The following ZBTB45 variants were observed in gnomAD, a reference collection of about 807,000 sequenced individuals.
ZBTB45 encodes zinc finger and BTB domain-containing protein 45.
ZBTB45 carries 22 observed loss-of-function variants against 28.4 expected under a neutral mutation model. The observed-to-expected ratio is 0.77, with a 90% CI of 0.55 to 1.10. The LOEUF (loss-of-function observed/expected upper bound fraction) is 1.10, where lower values mean the gene tolerates loss of function less well. Among genes scored for constraint, ZBTB45 ranks in the 50% least tolerant of loss-of-function variants. ZBTB45 has a pLI of 0.00. For synonymous variants in ZBTB45, 361 were observed against 332.3 expected, an observed-to-expected ratio of 1.09 and a Z score of -0.94; for missense variants, 656 against 750.2, an observed-to-expected ratio of 0.87 and a Z score of 1.47.
At chr19:58,518,365 G>A (rs1413882061) in intron 1 of ZBTB45, among the ~76,000 whole-genome samples, 2 of 152,176 alleles carry the variant, frequency 1.3e-5, no homozygotes, top group African/African-American at 4.8e-5. Flanking sequence ...AAGGGCTGAG[G>A]GTAAAAGGTT....
At chr19:58,522,089 G>A (rs1361268127), upstream of ZBTB45, among the ~76,000 whole-genome samples, 4 of 151,816 alleles carry the variant, frequency 2.6e-5, no homozygotes, top group South Asian at 2.1e-4. Context: ...TTGGGAGGCC[G>A]AGGCGGGTGG....
chr19:58,531,421 G>C (rs1238495422), intron 1 of ZBTB45, among the ~76,000 whole-genome samples: 1 of 152,094 alleles, frequency 6.6e-6, no homozygotes, highest in Non-Finnish European at 1.5e-5. Context: ...GTACACTTAC[G>C]GGTTCCCCCT....
At chr19:58,514,402 A>G in intron 2 of ZBTB45, 92 bp from the exon 3 acceptor site, 1 of 1,356,436 alleles carries the variant, frequency 7.4e-7, no homozygotes, top group Non-Finnish European at 9.5e-7. Context: ...TCCTGGACCT[A>G]GCAGGGGCTC....
chr19:58,534,861 C>CT (rs200065226), intron 1 of ZBTB45, among the ~76,000 whole-genome samples: 32 of 125,240 alleles, frequency 2.6e-4, no homozygotes, highest in African/African-American at 8.4e-4. Context: ...CGACCTAATT[C>CT]TTTTTTTTTT....
At chr19:58,522,448 C>T (rs556727994), upstream of ZBTB45, among the ~76,000 whole-genome samples, 44 of 152,128 alleles carry the variant, frequency 2.9e-4, 2 homozygotes, top group Admixed American at 2.6e-3. Flanking sequence ...AGGCATGAGC[C>T]ACTGTGCCCG....
chr19:58,535,299 C>A (rs1446714957), intron 1 of ZBTB45, among the ~76,000 whole-genome samples: 1 of 152,016 alleles, frequency 6.6e-6, no homozygotes, highest in South Asian at 2.1e-4. Context: ...AGCCACTGCA[C>A]CCGGCCTGTT....
chr19:58,532,265 C>G (rs1324475005), intron 1 of ZBTB45, among the ~76,000 whole-genome samples: 1 of 152,086 alleles, frequency 6.6e-6, no homozygotes, highest in African/African-American at 2.4e-5. Context: ...GAAGTGTTAC[C>G]TTATTAGGAA....
chr19:58,516,690 G>A lies in ZBTB45; in HGVS notation c.984C>T (p.Pro328=), dbSNP rs529055222. ...RPPGVKTPGP[P]VALFPFHLGA... is the part of the protein sequence containing the mutation. ...CCAAGTGAAAGGGGAAGAGTGCAACGGGCGGCCCTGGGGTCTTCACACCAG... is the reference window on the plus strand; with the variant it reads ...CCAAGTGAAAGGGGAAGAGTGCAACAGGCGGCCCTGGGGTCTTCACACCAG... Residue 328 remains proline, a synonymous_variant, in exon 2 of 3, where the codon CCC becomes CCT. Transcript: ENST00000594051. This position sits in a 1 kb window ranked among gnomAD's most constrained non-coding sequence, Gnocchi z 6.2. The A allele has an allele frequency of 5.7e-6, 9 of 1,578,626 alleles. No individual in the cohort carries two copies. The highest frequency in any genetic ancestry group is 1.8e-4 in the Middle Eastern group (1 of 5,442).
chr19:58,527,167 T>G (rs1177179922), intron 1 of ZBTB45, among the ~76,000 whole-genome samples: 1 of 152,162 alleles, frequency 6.6e-6, no homozygotes, highest in African/African-American at 2.4e-5. Flanking sequence ...TCAATTTTCC[T>G]CTATTGCACC....
chr19:58,521,113 C>CCAGCACTGT (rs2053574499), upstream of ZBTB45, among the ~76,000 whole-genome samples: 1 of 144,130 alleles, frequency 6.9e-6, no homozygotes, highest in African/African-American at 2.6e-5. Flanking sequence ...GCCTGTAATC[C>CCAGCACTGT]CAGCACTGTG....
chr19:58,537,109 C>T (rs892426432), intron 1 of ZBTB45, among the ~76,000 whole-genome samples: 2 of 152,104 alleles, frequency 1.3e-5, no homozygotes, highest in Non-Finnish European at 2.9e-5. Context: ...ATATACCCAC[C>T]CTGGCTTGGC....
chr19:58,522,457 C>G (rs528762027), upstream of ZBTB45, among the ~76,000 whole-genome samples: 1 of 151,954 alleles, frequency 6.6e-6, no homozygotes. Context: ...CCACTGTGCC[C>G]GGCCTGTCCC....
Position 58,516,939 on chromosome 19 carries a change from G to A in ZBTB45, c.735C>T (p.Leu245=). ...CGCACGCGCTGTCAGCAGCAGCAGTGAGGAAGCCAGCAGCACAGTCTGGGA... is the reference window on the plus strand; with the variant it reads ...CGCACGCGCTGTCAGCAGCAGCAGTAAGGAAGCCAGCAGCACAGTCTGGGA... ...PSFPDCAAGF[L]TAAADSACEE... is the part of the protein sequence containing the mutation. The change falls in exon 2 of 3, where the codon CTC becomes CTT. Residue 245 remains leucine, a synonymous_variant. Transcript: ENST00000594051. The surrounding 1 kb of genome is among the most constrained non-coding windows in gnomAD (Gnocchi z 6.2). 6.2e-7 allele frequency: 1 copy of A among 1,613,308 alleles called. No homozygotes were observed. The highest frequency in any genetic ancestry group is 1.1e-5 in the South Asian group (1 of 91,088).
At chr19:58,526,474 T>C (rs1381368865) in intron 1 of ZBTB45, among the ~76,000 whole-genome samples, 3 of 150,814 alleles carry the variant, frequency 2.0e-5, no homozygotes, top group Admixed American at 2.0e-4. Context: ...CCTCCCAAAA[T>C]GCTGGGATTA....
At chr19:58,533,379 C>T (rs752736338) in intron 1 of ZBTB45, among the ~76,000 whole-genome samples, 1 of 152,124 alleles carries the variant, frequency 6.6e-6, no homozygotes, top group Non-Finnish European at 1.5e-5. Flanking sequence ...TTAGAGGACA[C>T]AATTCAGTCC....
chr19:58,514,743 G>C (rs556169657), intron 2 of ZBTB45, among the ~76,000 whole-genome samples: 1 of 152,096 alleles, frequency 6.6e-6, no homozygotes, highest in Non-Finnish European at 1.5e-5. Flanking sequence ...CTACCCTCAG[G>C]TACCCTCCCC....
Position 58,514,419 on chromosome 19 carries a change from C to T in ZBTB45, c.1280-109G>A, listed in dbSNP as rs983549665. 3.7e-6 allele frequency: 5 copies of T among 1,347,328 alleles called. No individual in the cohort carries two copies. The African/African-American group carries it at 7.4e-5, about 20-fold the overall frequency. 83.5% of individuals were successfully genotyped at this position (1,347,328 alleles called of 1,614,324 possible). ...CTGGACCTAGCAGGGGCTCCCCTCC[C>T]CTCCCGAACCACCACCCCGGGATCC... On this transcript the variant is annotated intron_variant, in intron 2 of 2. Transcript: ENST00000594051.
Position 58,517,030 on chromosome 19 carries a change from T to C in ZBTB45, c.644A>G (p.Asp215Gly). 8 of 1,613,220 alleles carry C rather than the reference T, an allele frequency of 5.0e-6. No individual in the cohort carries two copies. Among genetic ancestry groups the C allele is most frequent in the Non-Finnish European group, 6.8e-6 (8 of 1,180,002 alleles). The change falls in exon 2 of 3, where the codon GAC becomes GGC. Residue 215 changes from aspartate (D) to glycine (G), a missense_variant. Around this residue, in one of 3 missense-constraint regions of ZBTB45, gnomAD observed 448 missense variants for 444.3 expected, o/e 1.01. Coordinates refer to ENST00000594051, the MANE Select transcript of ZBTB45 (RefSeq NM_001316979.2). ...GCCATCCTCGCCATCGGTCTCATCG[T>C]CACTTTCCTCGTCATCCTCGTCACC... is the stretch of plus-strand genomic sequence containing the variant. ...DRGDEDDEES[D>G]DETDGEDGEG...
intron 1 of ZBTB45, among the ~76,000 whole-genome samples, chr19:58,534,849 C>A (rs895018032): frequency 6.7e-6 from 1 of 150,362 alleles, no homozygotes; most frequent in African/African-American, 2.5e-5. Flanking sequence ...AGCCACCGTG[C>A]CCGACCTAAT....
Sources: allele counts gnomAD v4.1 joint callset (sites outside exome capture counted in the v4.1 genomes callset), GRCh38; gene constraint gnomAD v4.1.1; regional missense constraint gnomAD v4.1.1; non-coding constraint Gnocchi (gnomAD v3.1); transcripts MANE v1.5; gene names NCBI Gene and HGNC (gene_info 2026-07-23, HGNC 2026-07-21).